Variants in PC observed in about 807,000 individuals in gnomAD.
The protein encoded by PC is pyruvate carboxylase, also known as pyruvate carboxylase, mitochondrial.
Under a neutral mutation model 107.8 loss-of-function variants are expected in PC, and 46 were observed. The ratio of observed to expected loss-of-function variants is 0.43; its 90% confidence interval spans 0.34 to 0.55. The LOEUF (loss-of-function observed/expected upper bound fraction) is 0.55. Ranked by LOEUF, PC falls within the 20% of genes least tolerant of loss-of-function variation. The pLI is 0.04. For missense variants in PC, 1,241 were observed against 1,643.1 expected, an observed-to-expected ratio of 0.76 and a Z score of 4.23; for synonymous variants, 662 against 684.7, an observed-to-expected ratio of 0.97 and a Z score of 0.52.
At chr11:66,936,075 T>C (rs542084859) in intron 3 of PC, among the ~76,000 whole-genome samples, 11 of 103,966 alleles carry the variant, frequency 1.1e-4, no homozygotes, top group African/African-American at 2.4e-4. Flanking sequence ...TGAGACCCTG[T>C]CTCAAAAAAA....
intron 3 of PC, among the ~76,000 whole-genome samples, chr11:66,935,021 G>A (rs746946143): frequency 2.1e-4 from 32 of 152,322 alleles, no homozygotes; most frequent in African/African-American, 4.8e-4. Context: ...TGTCCAGCAC[G>A]TGCATTCCCT....
intron 1 of PC, among the ~76,000 whole-genome samples, chr11:66,955,688 G>A (rs116144400): frequency 5.8e-4 from 89 of 152,308 alleles, no homozygotes; most frequent in African/African-American, 1.8e-3. Context: ...GCTGCTTTCA[G>A]GGAGCTTACC....
chr11:66,912,942 T>C (rs916215951), intron 3 of PC, among the ~76,000 whole-genome samples: 1 of 152,048 alleles, frequency 6.6e-6, no homozygotes, highest in African/African-American at 2.4e-5. Context: ...GGTCACTGGG[T>C]AGGGAAGGCT....
intron 3 of PC, among the ~76,000 whole-genome samples, chr11:66,923,943 C>A (rs2136097536): frequency 6.7e-6 from 1 of 150,312 alleles, no homozygotes; most frequent in East Asian, 2.0e-4. Flanking sequence ...TGGCTCACAC[C>A]TATAATACCA....
chr11:66,923,457 G>T (rs1312212515), intron 3 of PC, among the ~76,000 whole-genome samples: 1 of 151,770 alleles, frequency 6.6e-6, no homozygotes, highest in African/African-American at 2.4e-5. Flanking sequence ...GAGACCCATC[G>T]GTTCATTCCT....
chr11:66,875,038 C>T (rs1946920204), intron 3 of PC, among the ~76,000 whole-genome samples: 1 of 152,164 alleles, frequency 6.6e-6, no homozygotes, highest in Non-Finnish European at 1.5e-5. Flanking sequence ...GAGCCCACGG[C>T]CTGAGGTGGG....
intron 10 of PC, among the ~76,000 whole-genome samples, chr11:66,867,263 G>A (rs1398205107): frequency 1.3e-5 from 2 of 152,316 alleles, no homozygotes; most frequent in South Asian, 2.1e-4. Context: ...GTGTGTGCCT[G>A]TAATCCCAGC....
chr11:66,870,600 G>A lies in PC; in HGVS notation c.752-147C>T, dbSNP rs561757411. ...CCAGGAGAGACACCAGCATCACCAA[G>A]GCTGTGAGGACCAACTGCCAGCTCG... On this transcript the variant is annotated intron_variant, in intron 8 of 22. Transcript: ENST00000393960. This position sits in a 1 kb window ranked among gnomAD's most constrained non-coding sequence, Gnocchi z 6.1. 1.7e-6 allele frequency: 2 copies of A among 1,162,584 alleles called. No homozygotes were observed. Among genetic ancestry groups the A allele is most frequent in the East Asian group, 4.8e-5 (2 of 41,426 alleles). 72.0% of individuals were successfully genotyped at this position (1,162,584 alleles called of 1,614,324 possible). A position where few individuals can be genotyped will look rare whatever the true frequency, so the allele number is the denominator to read the frequency against.
chr11:66,878,146 C>T (rs1018699228), intron 3 of PC, among the ~76,000 whole-genome samples: 2 of 152,220 alleles, frequency 1.3e-5, no homozygotes, highest in Admixed American at 6.5e-5. Context: ...CCCTCCCCCT[C>T]CTCACCTGCT....
chr11:66,854,871 C>T (rs1013820082), intron 12 of PC, among the ~76,000 whole-genome samples: 15 of 152,252 alleles, frequency 9.9e-5, no homozygotes, highest in Admixed American at 3.9e-4. Flanking sequence ...CCTGCCTCTC[C>T]TGAAGAGATG....
chr11:66,868,688 T>G (rs1352855729), intron 10 of PC, among the ~76,000 whole-genome samples, 158 bp downstream of exon 10: 1 of 152,250 alleles, frequency 6.6e-6, no homozygotes, highest in Non-Finnish European at 1.5e-5. Context: ...GCTTTTAGAA[T>G]AATGACTTTT....
intron 3 of PC, among the ~76,000 whole-genome samples, chr11:66,941,026 A>G (rs569773413): frequency 2.7e-5 from 4 of 149,622 alleles, no homozygotes; most frequent in Admixed American, 6.8e-5. Flanking sequence ...CAGTGAGCTG[A>G]CATGGTGCCA....
intron 3 of PC, among the ~76,000 whole-genome samples, chr11:66,881,201 A>G (rs1484288664): frequency 6.6e-6 from 1 of 152,244 alleles, no homozygotes; most frequent in African/African-American, 2.4e-5. Context: ...TTTCCTCTCC[A>G]GAGAGCTGAC....
chr11:66,860,348 G>A lies in PC; in HGVS notation c.1368+3426C>T, dbSNP rs2135882790. ...GGAGGGGCAGGGAGCCCTTTCCTCGGTTCTGGCCTCCAGACCAGGGTAAGG... is the reference window on the plus strand; with the variant it reads ...GGAGGGGCAGGGAGCCCTTTCCTCGATTCTGGCCTCCAGACCAGGGTAAGG... On this transcript the variant is annotated intron_variant, in intron 12 of 22. Transcript: ENST00000393960. The A allele has an allele frequency of 3.4e-6, 4 of 1,178,096 alleles. No homozygotes were observed. In the East Asian group the frequency reaches 1.0e-4, roughly 30 times the overall value. 73.0% of individuals were successfully genotyped at this position (1,178,096 alleles called of 1,614,324 possible). A position where few individuals can be genotyped will look rare whatever the true frequency, so the allele number is the denominator to read the frequency against.
rs1334015373 is a variant in PC, at chr11:66,852,398, G to A, written c.1825+41C>T. Reference sequence around the variant, plus strand: ...GCCTGTGGGACTGGCCACAGAGCGGGCGCCCATTCCTACCAGGCGCTGCGC... The same window carrying A: ...GCCTGTGGGACTGGCCACAGAGCGGACGCCCATTCCTACCAGGCGCTGCGC... On this transcript the variant is annotated intron_variant, in intron 15 of 22. Transcript: ENST00000393960. The surrounding 1 kb of genome is among the most constrained non-coding windows in gnomAD (Gnocchi z 4.7). 1.3e-6 allele frequency: 2 copies of A among 1,510,650 alleles called. No homozygotes were observed. The highest frequency in any genetic ancestry group is 1.1e-5 in the South Asian group (1 of 89,008). 93.6% of individuals were successfully genotyped at this position (1,510,650 alleles called of 1,614,324 possible).
At chr11:66,860,510 C>T (rs772375415) in intron 12 of PC, 86 of 702,290 alleles carry the variant, frequency 1.2e-4, no homozygotes, top group East Asian at 1.2e-3. Flanking sequence ...CTAGGTCCCC[C>T]GAGACGGGAG....
At chr11:66,893,004 T>A (rs144129986) in intron 3 of PC, among the ~76,000 whole-genome samples, 1 of 152,292 alleles carries the variant, frequency 6.6e-6, no homozygotes, top group East Asian at 1.9e-4. Context: ...GGGCTGGGGC[T>A]GCTGCAGTGG....
At position 66,850,691 on chromosome 11, in the gene PC, C is replaced by T. The variant is rs1266910637; in HGVS notation, c.2456G>A (p.Gly819Glu). ...SMGALVACTR[G>E]TPLDTEVPME... is the part of the protein sequence containing the mutation. ...CTTCCTACCTGTGTCCAGGGGAGTC[C>T]CTCTGGTACAGGCCACCAGGGCCCC... Residue 819 changes from glycine to glutamate, a missense_variant, in exon 18 of 23, where the codon GGG (glycine) becomes GAG (glutamate). Transcript: ENST00000393960. 6.2e-7 allele frequency: 1 copy of T among 1,610,244 alleles called. No individual in the cohort carries two copies. Among genetic ancestry groups the T allele is most frequent in the Non-Finnish European group, 8.5e-7 (1 of 1,179,838 alleles).
chr11:66,956,025 G>A (rs529819617), intron 1 of PC, among the ~76,000 whole-genome samples: 14 of 151,944 alleles, frequency 9.2e-5, no homozygotes, highest in Admixed American at 7.2e-4. Flanking sequence ...CACCCGCCTC[G>A]GCCTCCCAAA....
Sources: allele counts gnomAD v4.1 joint callset (sites outside exome capture counted in the v4.1 genomes callset), GRCh38; gene constraint gnomAD v4.1.1; non-coding constraint Gnocchi (gnomAD v3.1); transcripts MANE v1.5; gene names NCBI Gene and HGNC (gene_info 2026-07-23, HGNC 2026-07-21).